Variants in PPP1R37 observed in about 807,000 individuals in gnomAD.
The protein encoded by PPP1R37 is leucine rich repeat containing 68.
A neutral mutation model predicts 61.0 loss-of-function variants in PPP1R37; 21 were observed. The observed-to-expected ratio is 0.34, with a 90% CI of 0.24 to 0.50. The LOEUF is 0.50. Among genes scored for constraint, PPP1R37 ranks in the 20% least tolerant of loss-of-function variants. The pLI is 0.98. For missense variants in PPP1R37, 910 were observed against 952.7 expected, an observed-to-expected ratio of 0.96 and a Z score of 0.59; for synonymous variants, 443 against 433.5, an observed-to-expected ratio of 1.02 and a Z score of -0.27.
intron 1 of PPP1R37, among the ~76,000 whole-genome samples, chr19:45,101,636 T>G (rs1283446167): frequency 6.6e-6 from 1 of 152,218 alleles, no homozygotes; most frequent in Admixed American, 6.5e-5. Context: ...AAGGATCACT[T>G]GAGTCCAGGA....
rs1050238894 is a variant in PPP1R37 at position 45,145,741 on chromosome 19, C to G, written c.1685C>G (p.Pro562Arg). ...GAGCAGCGGATTTCCGTGTCCAGCCCGGGCCGGGGCCACAAGGTGTTTGTG... is the reference window on the plus strand; with the variant it reads ...GAGCAGCGGATTTCCGTGTCCAGCCGGGGCCGGGGCCACAAGGTGTTTGTG... ...PTEQRISVSS[P>R]GRGHKVFVVT... The change falls in exon 11 of 13, where the codon CCG becomes CGG. Residue 562 changes from proline to arginine, a missense_variant. Pro to Arg is a moderately radical substitution (Grantham distance 103). Coordinates refer to ENST00000221462, the MANE Select transcript of PPP1R37 (RefSeq NM_019121.2). 8.5e-6 allele frequency: 13 copies of G among 1,529,430 alleles called. No homozygotes were observed. The Admixed American group carries it at 1.6e-4, about 19-fold the overall frequency. 94.7% of individuals were successfully genotyped at this position (1,529,430 alleles called of 1,614,324 possible).
chr19:45,105,845 A>G (rs1311172810), intron 1 of PPP1R37, among the ~76,000 whole-genome samples: 1 of 152,162 alleles, frequency 6.6e-6, no homozygotes, highest in East Asian at 1.9e-4. Flanking sequence ...TGTCTCCTGC[A>G]CAGCTCCAGG....
chr19:45,093,360 C>T lies in PPP1R37; in HGVS notation c.35C>T (p.Pro12Leu), dbSNP rs1368890891. 1.6e-5 allele frequency: 24 copies of T among 1,507,580 alleles called. No homozygotes were observed. Among genetic ancestry groups the T allele is most frequent in the Admixed American group, 1.4e-4 (7 of 48,596 alleles). 93.4% of individuals were successfully genotyped at this position (1,507,580 alleles called of 1,614,324 possible). Residue 12 changes from proline (P) to leucine (L), a missense_variant, in exon 1 of 13, where the codon CCG becomes CTG. By Grantham distance (98) the Pro-to-Leu change is moderately conservative. Around this residue, in one of 3 missense-constraint regions of PPP1R37, gnomAD observed 81 missense variants for 65.4 expected, o/e 1.24. Transcript: ENST00000221462. Reference protein sequence around the residue: ...EIAPQEAPPVPGADGDIEEAP... With the variant: ...EIAPQEAPPVLGADGDIEEAP... ...GCGCCGCAGGAGGCGCCGCCCGTGCCGGGCGCGGACGGCGACATTGAAGAG... is the reference window on the plus strand; with the variant it reads ...GCGCCGCAGGAGGCGCCGCCCGTGCTGGGCGCGGACGGCGACATTGAAGAG...
At chr19:45,134,070 G>A (rs1968509433) in intron 1 of PPP1R37, among the ~76,000 whole-genome samples, 1 of 152,236 alleles carries the variant, frequency 6.6e-6, no homozygotes, top group Non-Finnish European at 1.5e-5. Context: ...AAATGGACAG[G>A]TGTGTGTAGG....
rs747117017 is a variant in PPP1R37 at position 45,145,906 on chromosome 19, C to T, written c.1850C>T (p.Ser617Phe). The change falls in exon 11 of 13, where the codon TCC (serine) becomes TTC (phenylalanine). Residue 617 changes from serine to phenylalanine, a missense_variant. Ser to Phe is a radical substitution (Grantham distance 155). Coordinates refer to ENST00000221462, the MANE Select transcript of PPP1R37 (RefSeq NM_019121.2). The stretch of plus-strand genomic sequence containing the variant: ...GCCATTGACACCCGGGACACAGGGT[C>T]CTCTGAGCCTCAGCCACCACCGGAG... Reference protein sequence around the residue: ...AGAIDTRDTGSSEPQPPPEPP... With the variant: ...AGAIDTRDTGFSEPQPPPEPP... 1.2e-5 allele frequency: 18 copies of T among 1,533,460 alleles called. No individual in the cohort carries two copies. The South Asian group carries it at 1.5e-4, about 13-fold the overall frequency. The allele number at this position is 1,533,460 out of a possible 1,614,324, so 95.0% of individuals were successfully genotyped here.
rs1968041708 is a variant in PPP1R37, at chr19:45,099,958, T to C, written c.202+6431T>C. On this transcript the variant is annotated intron_variant, in intron 1 of 12. Transcript: ENST00000221462. ...CTGGCACTCGGTAACCAGCCTTCAG[T>C]GCGTCAGCGGGAGTGCGTGTGCACT... is the stretch of plus-strand genomic sequence containing the variant. 4 of 152,350 alleles carry C rather than the reference T, an allele frequency of 2.6e-5. No individual in the cohort carries two copies. The South Asian group carries it at 8.3e-4, about 32-fold the overall frequency. The allele number at this position is 152,350 out of a possible 1,614,324, so 9.4% of individuals were successfully genotyped here.
chr19:45,138,895 T>G (rs1968571787), intron 2 of PPP1R37, among the ~76,000 whole-genome samples: 1 of 150,570 alleles, frequency 6.6e-6, no homozygotes, highest in Non-Finnish European at 1.5e-5. Flanking sequence ...AATTACAAAA[T>G]TTATGTATTC....
intron 7 of PPP1R37, 47 bp from the exon 8 acceptor site, chr19:45,143,474 G>A (rs1798088023): frequency 2.5e-6 from 3 of 1,207,262 alleles, no homozygotes; most frequent in Non-Finnish European, 3.5e-6. Context: ...CCCTCCCCAG[G>A]AAGCACCCGG....
At chr19:45,144,804 C>T in intron 8 of PPP1R37, 50 bp from the exon 9 acceptor site, 3 of 1,451,246 alleles carry the variant, frequency 2.1e-6, no homozygotes, top group Non-Finnish European at 2.8e-6. Flanking sequence ...CCTCCTGGGT[C>T]TCCTCCGCCA....
rs1474587617 is a variant in PPP1R37 at position 45,144,933 on chromosome 19, G to T, written c.1067G>T (p.Gly356Val). The change falls in exon 9 of 13, where the codon GGG (glycine) becomes GTG (valine). Residue 356 changes from glycine to valine, a missense_variant. Gly to Val is a moderately radical substitution (Grantham distance 109, BLOSUM62 -3). Transcript: ENST00000221462. ...GAGGGTGTGCGGCACCTCAAGAACGGGCTCATCAGCAACCGCAGCGTGCTG... is the reference window on the plus strand; with the variant it reads ...GAGGGTGTGCGGCACCTCAAGAACGTGCTCATCAGCAACCGCAGCGTGCTG... ...GNEGVRHLKNGLISNRSVLRL... is the reference protein window; with the variant it reads ...GNEGVRHLKNVLISNRSVLRL... 1 of 1,535,758 alleles carries T rather than the reference G, an allele frequency of 6.5e-7. No homozygotes were observed. The highest frequency in any genetic ancestry group is 8.7e-7 in the Non-Finnish European group (1 of 1,146,738).
intron 1 of PPP1R37, among the ~76,000 whole-genome samples, chr19:45,114,025 G>C (rs1162503720): frequency 6.6e-6 from 1 of 152,196 alleles, no homozygotes; most frequent in Non-Finnish European, 1.5e-5. Flanking sequence ...GCAATAACAG[G>C]GGCTTCCGTT....
At chr19:45,138,902 ATTCTTTTTTTTTT>A (rs1968572208) in intron 2 of PPP1R37, among the ~76,000 whole-genome samples, 1 of 90,720 alleles carries the variant, frequency 1.1e-5, no homozygotes, top group South Asian at 3.4e-4. Context: ...AAATTTATGT[ATTCTTTTTTTTTT>A]TTTTTTTTTT....
Position 45,145,499 on chromosome 19 carries a change from G to A in PPP1R37, c.1443G>A (p.Glu481=), listed in dbSNP as rs1157128154. The A allele has an allele frequency of 1.3e-6, 2 of 1,534,176 alleles. No individual in the cohort carries two copies. Among genetic ancestry groups the A allele is most frequent in the Non-Finnish European group, 1.7e-6 (2 of 1,146,168 alleles). Residue 481 remains glutamate, a synonymous_variant, in exon 11 of 13, where the codon GAG becomes GAA. Transcript: ENST00000221462. ...CCATGCCTGAGACCACCGCCACCGA[G>A]CCCCAGCCCGACGACGAGCCCGCCG... ...SASMPETTAT[E]PQPDDEPAAG...
Position 45,104,523 on chromosome 19 carries a change from G to A in PPP1R37, c.202+10996G>A, listed in dbSNP as rs187742329. On this transcript the variant is annotated intron_variant, in intron 1 of 12. Coordinates refer to ENST00000221462, the MANE Select transcript of PPP1R37 (RefSeq NM_019121.2). ...ATTCCTTCATTCCTTGCCAACCAGC[G>A]CCTGTTTTGCCTCCACTTTGCTGTC... Among the ~76,000 whole-genome samples, 710 of 152,210 alleles carry A rather than the reference G, an allele frequency of 4.7e-3. 5 individuals carry two copies. The highest frequency in any genetic ancestry group is 0.016 in the African/African-American group (684 of 41,510).
In PPP1R37 at chr19:45,130,368, G is replaced by A. The variant is rs1432785410; in HGVS notation, c.203-8146G>A. On this transcript the variant is annotated intron_variant, in intron 1 of 12. Coordinates refer to ENST00000221462, the MANE Select transcript of PPP1R37 (RefSeq NM_019121.2). The surrounding 1 kb of genome is among the most constrained non-coding windows in gnomAD (Gnocchi z 4.4). The stretch of plus-strand genomic sequence containing the variant: ...CTCCGGTCTCCTGCAGAATGAGAGC[G>A]AAGTCCTCACCAGGGTCCACGGGGT... Among the ~76,000 whole-genome samples, 1 of 152,132 alleles carries A rather than the reference G, an allele frequency of 6.6e-6. No individual in the cohort carries two copies. Among genetic ancestry groups the A allele is most frequent in the Non-Finnish European group, 1.5e-5 (1 of 68,018 alleles).
chr19:45,104,785 C>A (rs990669499), intron 1 of PPP1R37, among the ~76,000 whole-genome samples: 2 of 152,142 alleles, frequency 1.3e-5, no homozygotes, highest in Non-Finnish European at 2.9e-5. Flanking sequence ...GATCACCTTG[C>A]CATGCTCTTG....
chr19:45,134,632 C>T (rs1968516817), intron 1 of PPP1R37, among the ~76,000 whole-genome samples: 1 of 151,088 alleles, frequency 6.6e-6, no homozygotes, highest in African/African-American at 2.4e-5. Flanking sequence ...GATCTCGGCT[C>T]ACTGCATCCT....
chr19:45,134,700 C>T (rs1417249120), intron 1 of PPP1R37, among the ~76,000 whole-genome samples: 2 of 151,980 alleles, frequency 1.3e-5, no homozygotes, highest in Non-Finnish European at 1.5e-5. Flanking sequence ...CGTGGAACTA[C>T]AGGAACCCAC....
intron 1 of PPP1R37, among the ~76,000 whole-genome samples, chr19:45,133,458 C>G (rs1968502537): frequency 6.6e-6 from 1 of 152,196 alleles, no homozygotes; most frequent in Admixed American, 6.5e-5. Context: ...TGAAGCCCAC[C>G]TAAGGTCACT....
Sources: allele counts gnomAD v4.1 joint callset (sites outside exome capture counted in the v4.1 genomes callset), GRCh38; gene constraint gnomAD v4.1.1; regional missense constraint gnomAD v4.1.1; non-coding constraint Gnocchi (gnomAD v3.1); transcripts MANE v1.5; gene names NCBI Gene and HGNC (gene_info 2026-07-23, HGNC 2026-07-21).